GRIN3A: variants seen among roughly 807,000 people sequenced by gnomAD.
GRIN3A encodes the protein glutamate ionotropic receptor NMDA type subunit 3A.
Under a neutral mutation model 92.4 loss-of-function variants are expected in GRIN3A, and 47 were observed. That is an observed-to-expected ratio of 0.51 (90% CI 0.40 to 0.65). The LOEUF (loss-of-function observed/expected upper bound fraction) is 0.65, where lower values mean the gene tolerates loss of function less well. Among genes scored for constraint, GRIN3A ranks in the 30% least tolerant of loss-of-function variants. GRIN3A has a pLI of 0.00. For synonymous variants in GRIN3A, 527 were observed against 540.6 expected (o/e 0.97, Z 0.35); for missense variants, 1,324 against 1,393.1 (o/e 0.95, Z 0.79).
rs550202706 is a variant in GRIN3A, at chr9:101,579,087, C to T, written c.2931+109G>A. 5.0e-5 allele frequency: 57 copies of T among 1,131,418 alleles called. No individual in the cohort carries two copies. The African/African-American group carries it at 6.2e-4, about 12-fold the overall frequency. The allele number at this position is 1,131,418 out of a possible 1,614,324, so 70.1% of individuals were successfully genotyped here. A position where few individuals can be genotyped will look rare whatever the true frequency, so the allele number is the denominator to read the frequency against. On this transcript the variant is annotated intron_variant, in intron 7 of 8. Transcript: ENST00000361820. The stretch of plus-strand genomic sequence containing the variant: ...CTAATGAGAGTGCCTACCCCACCCT[C>T]GTTATTGTGGTAACATAACTTAGTA...
At chr9:101,660,275 C>G (rs1829156251) in intron 3 of GRIN3A, among the ~76,000 whole-genome samples, 1 of 151,768 alleles carries the variant, frequency 6.6e-6, no homozygotes, top group South Asian at 2.1e-4. Flanking sequence ...TTAATGAAAG[C>G]AAATTATATA....
At chr9:101,644,536 C>A (rs1340556101) in intron 3 of GRIN3A, among the ~76,000 whole-genome samples, 1 of 151,140 alleles carries the variant, frequency 6.6e-6, no homozygotes, top group Non-Finnish European at 1.5e-5. Context: ...GAAAATAACC[C>A]TGAATATTTG....
At chr9:101,635,656 T>C (rs901924110) in intron 3 of GRIN3A, among the ~76,000 whole-genome samples, 4 of 152,240 alleles carry the variant, frequency 2.6e-5, no homozygotes, top group African/African-American at 9.6e-5. Context: ...ACCTTATTTC[T>C]AGCTGCATTG....
At chr9:101,726,297 C>T (rs1830081906) in intron 1 of GRIN3A, among the ~76,000 whole-genome samples, 1 of 152,136 alleles carries the variant, frequency 6.6e-6, no homozygotes, top group Admixed American at 6.5e-5. Context: ...GAACCACATC[C>T]ATGGAGAAGC....
chr9:101,638,952 T>G (rs1353296207), intron 3 of GRIN3A, among the ~76,000 whole-genome samples: 1 of 152,216 alleles, frequency 6.6e-6, no homozygotes, highest in Admixed American at 6.5e-5. Flanking sequence ...CTGTTAATAC[T>G]AGTAGCTATC....
At chr9:101,722,179 T>G (rs960644704) in intron 1 of GRIN3A, among the ~76,000 whole-genome samples, 4 of 152,268 alleles carry the variant, frequency 2.6e-5, no homozygotes, top group African/African-American at 9.6e-5. Flanking sequence ...GAGCTCAGGC[T>G]GTGGCTTCAG....
rs573416764 is a variant in GRIN3A at position 101,715,755 on chromosome 9, T to C, written c.699+21526A>G. Among the ~76,000 whole-genome samples the C allele has an allele frequency of 2.2e-4, 33 of 152,240 alleles. No individual in the cohort carries two copies. The South Asian group carries it at 6.6e-3, about 31-fold the overall frequency. Reference sequence around the variant, plus strand: ...ATTCATTCATTCCTTAACAAATATCTGAGTGATTACTATGAGCAAAACAGT... The same window carrying C: ...ATTCATTCATTCCTTAACAAATATCCGAGTGATTACTATGAGCAAAACAGT... On this transcript the variant is annotated intron_variant, in intron 1 of 8. Transcript: ENST00000361820.
In GRIN3A at chr9:101,687,005, C is replaced by T. The variant is rs375779429; in HGVS notation, c.895G>A (p.Ala299Thr). 2.0e-5 allele frequency: 32 copies of T among 1,613,832 alleles called. No individual in the cohort carries two copies. The highest frequency in any genetic ancestry group is 2.7e-5 in the African/African-American group (2 of 74,856). Residue 299 changes from alanine (A) to threonine (T), a missense_variant, in exon 2 of 9, where the codon GCT becomes ACT. Coordinates refer to ENST00000361820, the MANE Select transcript of GRIN3A (RefSeq NM_133445.3). ...AGGTCCTGGGTGGAGGGGAGGTTAGCGGTGATGTTGATGATAGAACCAAGG... is the reference window on the plus strand; with the variant it reads ...AGGTCCTGGGTGGAGGGGAGGTTAGTGGTGATGTTGATGATAGAACCAAGG... ...FHLGSIINIT[A>T]NLPSTQDLLS...
At chr9:101,685,790 G>A (rs1829526305) in intron 2 of GRIN3A, among the ~76,000 whole-genome samples, 1 of 151,472 alleles carries the variant, frequency 6.6e-6, no homozygotes, top group South Asian at 2.1e-4. Context: ...TTCTATTAAT[G>A]TATCCTGTTT....
chr9:101,710,946 A>T (rs941639334), intron 1 of GRIN3A, among the ~76,000 whole-genome samples: 1 of 152,250 alleles, frequency 6.6e-6, no homozygotes, highest in African/African-American at 2.4e-5. Flanking sequence ...AATTCAATTT[A>T]TAAATTAATT....
At chr9:101,584,338 G>A (rs1564118860) in intron 6 of GRIN3A, among the ~76,000 whole-genome samples, 1 of 152,024 alleles carries the variant, frequency 6.6e-6, no homozygotes, top group Non-Finnish European at 1.5e-5. Flanking sequence ...TGTTTCTTTA[G>A]CATTTTATTG....
At chr9:101,728,243 G>A (rs10760805) in intron 1 of GRIN3A, among the ~76,000 whole-genome samples, 96,785 of 151,880 alleles carry the variant, frequency 0.64, 31,036 homozygotes, top group Non-Finnish European at 0.68. Context: ...TTTGGCTTCT[G>A]GTTGAGGCCT....
intron 3 of GRIN3A, among the ~76,000 whole-genome samples, chr9:101,631,102 A>T (rs1244053510): frequency 6.6e-6 from 1 of 152,152 alleles, no homozygotes; most frequent in East Asian, 1.9e-4. Context: ...TTTAAATTTA[A>T]TTATGTAATC....
chr9:101,627,054 G>A (rs1828642678), intron 4 of GRIN3A, among the ~76,000 whole-genome samples: 1 of 152,204 alleles, frequency 6.6e-6, no homozygotes, highest in Non-Finnish European at 1.5e-5. Context: ...GCAGAGCCTA[G>A]TTTGTCTGCT....
chr9:101,610,263 C>A (rs1450395421), intron 6 of GRIN3A, among the ~76,000 whole-genome samples: 2 of 152,228 alleles, frequency 1.3e-5, no homozygotes, highest in African/African-American at 2.4e-5. Context: ...GGTACAGTTT[C>A]TATTACATGG....
Position 101,623,426 on chromosome 9 carries a change from GATC to G in GRIN3A, c.2503_2505del (p.Asp835del). 1 of 1,598,534 alleles carries G rather than the reference GATC, an allele frequency of 6.3e-7. No individual in the cohort carries two copies. The highest frequency in any genetic ancestry group is 8.6e-7 in the Non-Finnish European group (1 of 1,165,782). On this transcript the variant is annotated inframe_deletion, in exon 5 of 9. Transcript: ENST00000361820. ...ATGATGAAGGCGTCTAGTTTCTCTG[GATC>G]ATTCCTATATTTAAGACCAGAGGAG...
chr9:101,688,539 A>G (rs1394931613), intron 1 of GRIN3A, among the ~76,000 whole-genome samples: 2 of 152,208 alleles, frequency 1.3e-5, no homozygotes, highest in Admixed American at 6.5e-5. Flanking sequence ...GGGATGGGGA[A>G]TTAGAAGCCC....
intron 7 of GRIN3A, among the ~76,000 whole-genome samples, chr9:101,578,414 T>G (rs916255815): frequency 4.0e-5 from 6 of 151,278 alleles, no homozygotes; most frequent in African/African-American, 1.5e-4. Context: ...TATGAATACA[T>G]GAATAGGGTA....
Position 101,671,053 on chromosome 9 carries a change from AC to A in GRIN3A, c.1358del (p.Gly453ValfsTer63). On this transcript the variant is annotated frameshift_variant, in exon 3 of 9. Coordinates refer to ENST00000361820, the MANE Select transcript of GRIN3A (RefSeq NM_133445.3). LOFTEE classifies it high-confidence loss of function. ...TGTTTTCTGAGCTGACGATGGTGGA[AC>A]CTTTTACTCTGATGGAACCACTGAG... ...RGLSGSIRVK[G>X]STIVSSENNF... 1 of 1,613,940 alleles carries A rather than the reference AC, an allele frequency of 6.2e-7. No individual in the cohort carries two copies. The highest frequency in any genetic ancestry group is 8.5e-7 in the Non-Finnish European group (1 of 1,179,880).
Sources: allele counts gnomAD v4.1 joint callset (sites outside exome capture counted in the v4.1 genomes callset), GRCh38; gene constraint gnomAD v4.1.1; transcripts MANE v1.5; gene names NCBI Gene and HGNC (gene_info 2026-07-23, HGNC 2026-07-21).